TMEM101: variants seen among roughly 807,000 people sequenced by gnomAD.
TMEM101 encodes transmembrane protein 101.
In TMEM101, 14 loss-of-function variants were observed where a neutral mutation model predicts 26.0. That is an observed-to-expected ratio of 0.54 (90% CI 0.36 to 0.84). The LOEUF is 0.84. Among genes scored for constraint, TMEM101 ranks in the 40% least tolerant of loss-of-function variants. TMEM101 has a pLI of 0.01. For missense variants in TMEM101, 292 were observed against 345.1 expected (o/e 0.85, Z 1.22); for synonymous variants, 152 against 145.1 (o/e 1.05, Z -0.34).
At chr17:44,023,102 C>A in exon 1 of TMEM101, 1 of 362,996 alleles carries the variant, frequency 2.8e-6, no homozygotes, top group South Asian at 2.1e-5. Flanking sequence ...GTCGGCCACT[C>A]GTCCGTGCAC....
At position 44,014,953 on chromosome 17, in the gene TMEM101, C is replaced by T. The variant is rs1268043284; in HGVS notation, c.-1G>A. 5 of 1,610,472 alleles carry T rather than the reference C, an allele frequency of 3.1e-6. No homozygotes were observed. In the Admixed American group the frequency reaches 6.7e-5, roughly 22 times the overall value. ...GTCTCGAACCTATCTTCGACGCCATCTTGGGAAAGGGCAGTCCGCTGCGGC... is the reference window on the plus strand; with the variant it reads ...GTCTCGAACCTATCTTCGACGCCATTTTGGGAAAGGGCAGTCCGCTGCGGC... On this transcript the variant is annotated 5_prime_UTR_variant, in exon 1 of 4. Coordinates refer to ENST00000206380, the MANE Select transcript of TMEM101 (RefSeq NM_032376.4).
upstream of TMEM101, among the ~76,000 whole-genome samples, chr17:44,017,885 C>G (rs576916245): frequency 6.6e-6 from 1 of 152,178 alleles, no homozygotes; most frequent in Admixed American, 6.5e-5. Context: ...AATCCCAGAA[C>G]TTTGGAAGGC....
chr17:44,018,740 A>G (rs1255228390), upstream of TMEM101, among the ~76,000 whole-genome samples: 2 of 152,182 alleles, frequency 1.3e-5, no homozygotes, highest in African/African-American at 4.8e-5. Context: ...GCAGTTTCCA[A>G]TCAAGTCTCC....
At chr17:44,019,749 C>T (rs1034249247), upstream of TMEM101, among the ~76,000 whole-genome samples, 3 of 152,108 alleles carry the variant, frequency 2.0e-5, no homozygotes, top group Non-Finnish European at 2.9e-5. Context: ...AATACTCTTA[C>T]GGATACACAG....
chr17:44,013,266 C>A lies in TMEM101; in HGVS notation c.319-111G>T, dbSNP rs1049499766. 12 of 1,118,060 alleles carry A rather than the reference C, an allele frequency of 1.1e-5. No homozygotes were observed. The African/African-American group carries it at 1.9e-4, about 18-fold the overall frequency. The allele number at this position is 1,118,060 out of a possible 1,614,324, so 69.3% of individuals were successfully genotyped here. On this transcript the variant is annotated intron_variant, in intron 2 of 3. Transcript: ENST00000206380. ...ACACATCCCATTCCATCTGATGAAC[C>A]CTCTTACATTTCCAAGCTTGGTGGG...
upstream of TMEM101, among the ~76,000 whole-genome samples, chr17:44,018,040 G>A (rs563680302): frequency 1.1e-4 from 17 of 152,152 alleles, no homozygotes; most frequent in South Asian, 2.1e-4. Context: ...CAGAAGGATC[G>A]CTTGAACCTG....
chr17:44,016,034 C>A (rs565016601), upstream of TMEM101, among the ~76,000 whole-genome samples: 1 of 152,100 alleles, frequency 6.6e-6, no homozygotes, highest in Non-Finnish European at 1.5e-5. Flanking sequence ...CCACGCCCCA[C>A]CCGTTTATAT....
In TMEM101 at chr17:44,014,849, A is replaced by G. The variant is rs1048020230; in HGVS notation, c.104T>C (p.Leu35Pro). 9 of 1,612,554 alleles carry G rather than the reference A, an allele frequency of 5.6e-6. No individual in the cohort carries two copies. The highest frequency in any genetic ancestry group is 1.3e-5 in the African/African-American group (1 of 74,902). Residue 35 changes from leucine (L) to proline (P), a missense_variant, in exon 1 of 4, where the codon CTC becomes CCC. Around this residue, in one of 2 missense-constraint regions of TMEM101, gnomAD observed 143 missense variants for 133.2 expected, o/e 1.07. Transcript: ENST00000206380. ...RCPFWGCFSQ[L>P]MLYAERAEAR... ...CTCAGCCCTCTCAGCGTACAGCATG[A>G]GCTGGCTGAAGCAGCCCCAAAAGGG...
chr17:44,012,326 C>T, intron 3 of TMEM101, 90 bp from the exon 4 acceptor site: 2 of 1,266,362 alleles, frequency 1.6e-6, no homozygotes, highest in South Asian at 2.9e-5. Flanking sequence ...GCAAATGAGT[C>T]CCTGCAGATG....
In TMEM101 at chr17:44,012,133, A is replaced by G; in HGVS notation, c.569T>C (p.Leu190Pro). ...IQLFFVLYGI[L>P]ALAFLSGYYV... ...GTAGCCTGACAGAAAGGCCAGGGCC[A>G]GGATGCCATACAGCACGAAGAACAG... Residue 190 changes from leucine (L) to proline (P), a missense_variant, in exon 4 of 4, where the codon CTG (leucine) becomes CCG (proline). By Grantham distance (98) the Leu-to-Pro change is moderately conservative. Coordinates refer to ENST00000206380, the MANE Select transcript of TMEM101 (RefSeq NM_032376.4). 1.2e-6 allele frequency: 2 copies of G among 1,614,284 alleles called. No homozygotes were observed. Among genetic ancestry groups the G allele is most frequent in the South Asian group, 2.2e-5 (2 of 91,090 alleles).
chr17:44,014,811 C>A lies in TMEM101; in HGVS notation c.137+5G>T. 1.3e-6 allele frequency: 2 copies of A among 1,569,834 alleles called. No individual in the cohort carries two copies. The highest frequency in any genetic ancestry group is 1.9e-5 in the Admixed American group (1 of 53,020). ...CGCGTTTAGCGGCTGCGTAGGCCTG[C>A]TCACCGGCGTGCCTCAGCCCTCTCA... On this transcript the variant is annotated splice_donor_5th_base_variant and intron_variant, in intron 1 of 3. Transcript: ENST00000206380.
Position 44,013,022 on chromosome 17 carries a change from T to A in TMEM101, c.452A>T (p.Tyr151Phe), listed in dbSNP as rs777289001. Residue 151 changes from tyrosine to phenylalanine, a missense_variant, in exon 3 of 4, where the codon TAC becomes TTC. Coordinates refer to ENST00000206380, the MANE Select transcript of TMEM101 (RefSeq NM_032376.4). ...CCCCCAACATACCACACAGATGAGG[T>A]AGATACCCAGGAACACCTGGCCGGT... ...QSTGQVFLGI[Y>F]LICVAYSLQH... The A allele has an allele frequency of 1.2e-6, 2 of 1,603,554 alleles. No individual in the cohort carries two copies. Among genetic ancestry groups the A allele is most frequent in the Admixed American group, 1.7e-5 (1 of 59,704 alleles).
At chr17:44,018,155 G>A (rs2049252203), upstream of TMEM101, among the ~76,000 whole-genome samples, 1 of 151,918 alleles carries the variant, frequency 6.6e-6, no homozygotes. Context: ...ACTAGGATAA[G>A]GTCTGGGTAA....
upstream of TMEM101, chr17:44,014,969 C>A: frequency 1.9e-6 from 3 of 1,601,662 alleles, no homozygotes; most frequent in South Asian, 1.1e-5. Flanking sequence ...AAAGGGCAGT[C>A]CGCTGCGGCC....
Position 44,014,520 on chromosome 17 carries a change from A to C in TMEM101, c.155T>G (p.Val52Gly). The C allele has an allele frequency of 6.4e-7, 1 of 1,570,854 alleles. No individual in the cohort carries two copies. ...CCCCATGTCGAAATACAGGTAAGGC[A>C]CTGGGATGTCGGGCTTCCTGCGAGC... ...AEARRKPDIPVPYLYFDMGAA... is the reference protein window; with the variant it reads ...AEARRKPDIPGPYLYFDMGAA... The change falls in exon 2 of 4, where the codon GTG (valine) becomes GGG (glycine). Residue 52 changes from valine to glycine, a missense_variant. Coordinates refer to ENST00000206380, the MANE Select transcript of TMEM101 (RefSeq NM_032376.4).
upstream of TMEM101, among the ~76,000 whole-genome samples, chr17:44,017,286 A>C (rs576982667): frequency 6.6e-6 from 1 of 151,656 alleles, no homozygotes; most frequent in East Asian, 2.0e-4. Context: ...AACATGGTGA[A>C]AACCCATCTC....
chr17:44,014,877 A>C lies in TMEM101; in HGVS notation c.76T>G (p.Cys26Gly). 1 of 1,614,016 alleles carries C rather than the reference A, an allele frequency of 6.2e-7. No homozygotes were observed. The highest frequency in any genetic ancestry group is 1.3e-5 in the African/African-American group (1 of 75,064). The stretch of plus-strand genomic sequence containing the variant: ...TGGCTGAAGCAGCCCCAAAAGGGGC[A>C]GCGTGTGAGCAGCACCGAACCCAAC... ...MQLGSVLLTR[C>G]PFWGCFSQLM... The change falls in exon 1 of 4, where the codon TGC (cysteine) becomes GGC (glycine). Residue 26 changes from cysteine (C) to glycine (G), a missense_variant. Physicochemically the swap from Cys to Gly is radical, Grantham distance 159. Around this residue, in one of 2 missense-constraint regions of TMEM101, gnomAD observed 143 missense variants for 133.2 expected, o/e 1.07. Coordinates refer to ENST00000206380, the MANE Select transcript of TMEM101 (RefSeq NM_032376.4).
rs2144017597 is a variant in TMEM101, at chr17:44,014,879, C to T, written c.74G>A (p.Arg25His). Reference protein sequence around the residue: ...IMQLGSVLLTRCPFWGCFSQL... With the variant: ...IMQLGSVLLTHCPFWGCFSQL... ...GCTGAAGCAGCCCCAAAAGGGGCAGCGTGTGAGCAGCACCGAACCCAACTG... is the reference window on the plus strand; with the variant it reads ...GCTGAAGCAGCCCCAAAAGGGGCAGTGTGTGAGCAGCACCGAACCCAACTG... The change falls in exon 1 of 4, where the codon CGC becomes CAC. Residue 25 changes from arginine (R) to histidine (H), a missense_variant. Arg to His is a conservative substitution (Grantham distance 29, BLOSUM62 0). Coordinates refer to ENST00000206380, the MANE Select transcript of TMEM101 (RefSeq NM_032376.4). The T allele has an allele frequency of 6.2e-7, 1 of 1,614,010 alleles. No individual in the cohort carries two copies.
Position 44,014,822 on chromosome 17 carries a change from G to C in TMEM101, c.131C>G (p.Ala44Gly). The C allele has an allele frequency of 6.3e-7, 1 of 1,581,394 alleles. No individual in the cohort carries two copies. Among genetic ancestry groups the C allele is most frequent in the Non-Finnish European group, 8.6e-7 (1 of 1,161,680 alleles). The change falls in exon 1 of 4, where the codon GCA becomes GGA. Residue 44 changes from alanine (A) to glycine (G), a missense_variant. By Grantham distance (60) the Ala-to-Gly change is moderately conservative (BLOSUM62 0). Coordinates refer to ENST00000206380, the MANE Select transcript of TMEM101 (RefSeq NM_032376.4). ...GCTGCGTAGGCCTGCTCACCGGCGT[G>C]CCTCAGCCCTCTCAGCGTACAGCAT... ...QLMLYAERAE[A>G]RRKPDIPVPY...
Sources: allele counts gnomAD v4.1 joint callset (sites outside exome capture counted in the v4.1 genomes callset), GRCh38; gene constraint gnomAD v4.1.1; regional missense constraint gnomAD v4.1.1; transcripts MANE v1.5; gene names NCBI Gene and HGNC (gene_info 2026-07-23, HGNC 2026-07-21).